The following CRELD2 variants were observed in gnomAD, a reference collection of about 807,000 sequenced individuals.
CRELD2 encodes the protein CRELD disulfide isomerase 2, also known as protein disulfide isomerase CRELD2.
A neutral mutation model predicts 48.1 loss-of-function variants in CRELD2; 33 were observed. The ratio of observed to expected loss-of-function variants is 0.69; its 90% CI spans 0.52 to 0.92. The LOEUF (loss-of-function observed/expected upper bound fraction) is 0.92, where lower values mean the gene tolerates loss of function less well. Ranked by LOEUF, CRELD2 falls within the 40% of genes least tolerant of loss-of-function variation. The pLI is 0.00. For synonymous variants in CRELD2, 220 were observed against 203.9 expected, an observed-to-expected ratio of 1.08 and a Z score of -0.67; for missense variants, 477 against 482.4, an observed-to-expected ratio of 0.99 and a Z score of 0.10.
intron 3 of CRELD2, 136 bp downstream of exon 3, chr22:49,919,976 G>A (rs1201326200): frequency 6.2e-6 from 5 of 809,684 alleles, no homozygotes; most frequent in South Asian, 4.7e-5. Context: ...CTGCATTACC[G>A]TTTTTTATCA....
intron 9 of CRELD2, chr22:49,925,905 C>A: frequency 2.8e-6 from 1 of 354,916 alleles, no homozygotes; most frequent in Non-Finnish European, 4.6e-6. Flanking sequence ...CCCAGGGTGC[C>A]GCAGAGACAG....
At chr22:49,919,011 C>G (rs59259090) in intron 1 of CRELD2, 113 bp downstream of exon 1, 91,946 of 951,668 alleles carry the variant, frequency 0.097, 5,636 homozygotes, top group South Asian at 0.22. Flanking sequence ...ATCCGGGGTC[C>G]CCCTCACCCT....
At chr22:49,921,515 C>G in intron 4 of CRELD2, 70 bp from the exon 5 acceptor site, 2 of 1,502,226 alleles carry the variant, frequency 1.3e-6, no homozygotes, top group Non-Finnish European at 1.8e-6. Flanking sequence ...GCCATGCGTT[C>G]TCTCCGTGTG....
chr22:49,923,933 T>G, intron 7 of CRELD2: 1 of 231,772 alleles, frequency 4.3e-6, no homozygotes, highest in South Asian at 5.4e-5. Flanking sequence ...CTCTGCCCCG[T>G]GTGTGTGACA....
rs8138558 is a variant in CRELD2, at chr22:49,921,773, G to A, written c.592+12G>A. The stretch of plus-strand genomic sequence containing the variant: ...CAGCATCTGCACAGGTACGGGCTAC[G>A]CCTGGGCTGGCCCCGGGGTTGAGGC... On this transcript the variant is annotated intron_variant, in intron 5 of 9. Transcript: ENST00000328268. 2,379 of 1,597,226 alleles carry A rather than the reference G, an allele frequency of 1.5e-3. 33 individuals carry two copies. The African/African-American group carries it at 0.027, about 18-fold the overall frequency.
At chr22:49,924,532 T>G (rs1219914748) in intron 8 of CRELD2, 77 bp downstream of exon 8, 7 of 1,101,608 alleles carry the variant, frequency 6.4e-6, no homozygotes, top group African/African-American at 1.5e-5. Flanking sequence ...CAGCAGGTAC[T>G]GCCAGGGATG....
At chr22:49,921,425 C>A in intron 4 of CRELD2, 160 bp from the exon 5 acceptor site, 1 of 753,892 alleles carries the variant, frequency 1.3e-6, no homozygotes, top group Non-Finnish European at 2.1e-6. Context: ...GCCCTGCAGA[C>A]CCAGGAAATC....
At chr22:49,925,379 A>C (rs2060749561) in intron 8 of CRELD2, 38 bp from the exon 9 acceptor site, 1 of 1,357,694 alleles carries the variant, frequency 7.4e-7, no homozygotes, top group Non-Finnish European at 1.0e-6. Context: ...GCGTCTGCTG[A>C]GCAAAGTAAT....
intron 5 of CRELD2, chr22:49,922,235 G>A (rs2060695695): frequency 6.5e-7 from 1 of 1,534,696 alleles, no homozygotes; most frequent in Non-Finnish European, 8.8e-7. Flanking sequence ...GCTATTCTGG[G>A]CAGACAGACC....
In CRELD2 at chr22:49,924,404, A is replaced by G. The variant is rs1413664749; in HGVS notation, c.817A>G (p.Asn273Asp). ...CVGCTGEGPG[N>D]CKECISGYAR... ...GGGCTGCACAGGGGAAGGCCCAGGA[A>G]ACTGTAAAGAGTGTATCTCTGGCTA... The change falls in exon 8 of 10, where the codon AAC becomes GAC. Residue 273 changes from asparagine (N) to aspartate (D), a missense_variant. Coordinates refer to ENST00000328268, the MANE Select transcript of CRELD2 (RefSeq NM_024324.5). 1.2e-6 allele frequency: 2 copies of G among 1,612,638 alleles called. No homozygotes were observed. Among genetic ancestry groups the G allele is most frequent in the African/African-American group, 2.7e-5 (2 of 74,908 alleles).
chr22:49,922,698 G>A lies in CRELD2; in HGVS notation c.679G>A (p.Ala227Thr), dbSNP rs371852940. ...CEVGWVLDEG[A>T]CVDVDECAAE... ...AGTGGGCTGGGTGCTGGACGAGGGCGCCTGTGTGGGTGAGGAGCGGCCCGG... is the reference window on the plus strand; with the variant it reads ...AGTGGGCTGGGTGCTGGACGAGGGCACCTGTGTGGGTGAGGAGCGGCCCGG... Residue 227 changes from alanine to threonine, a missense_variant, in exon 6 of 10, where the codon GCC (alanine) becomes ACC (threonine). Ala to Thr is a moderately conservative substitution (Grantham distance 58, BLOSUM62 0). Transcript: ENST00000328268. 1.3e-4 allele frequency: 200 copies of A among 1,545,992 alleles called. 1 individual carries two copies. The highest frequency in any genetic ancestry group is 2.5e-4 in the African/African-American group (17 of 69,244).
At chr22:49,926,253 C>G (rs541456379) in intron 9 of CRELD2, 1 of 152,416 alleles carries the variant, frequency 6.6e-6, no homozygotes, top group Non-Finnish European at 1.5e-5. Flanking sequence ...GACCCTATTT[C>G]CAAACAAGGT....
In CRELD2 at chr22:49,918,815, C is replaced by T. The variant is rs1305409623; in HGVS notation, c.46C>T (p.Leu16=). The part of the protein sequence containing the change: ...RAALGLLPLL[L]LLPPAPEAAK... ...CGCGCTGGGGCTCCTGCCGCTTCTG[C>T]TGCTGCTGCCGCCCGCGCCGGAGGC... The change falls in exon 1 of 10, where the codon CTG becomes TTG. Residue 16 remains leucine (L), a synonymous_variant. Transcript: ENST00000328268. 2.3e-6 allele frequency: 3 copies of T among 1,330,798 alleles called. No homozygotes were observed. The highest frequency in any genetic ancestry group is 1.9e-6 in the Non-Finnish European group (2 of 1,044,808). 82.4% of individuals were successfully genotyped at this position (1,330,798 alleles called of 1,614,324 possible). A position where few individuals can be genotyped will look rare whatever the true frequency, so the allele number is the denominator to read the frequency against.
In CRELD2 at chr22:49,923,266, T is replaced by C; in HGVS notation, c.721T>C (p.Cys241Arg). ...VDECAAEPPP[C>R]SAAQFCKNAN... ...CGAGTGTGCGGCCGAGCCGCCTCCC[T>C]GCAGCGCTGCGCAGTTCTGTAAGAA... The change falls in exon 7 of 10, where the codon TGC becomes CGC. Residue 241 changes from cysteine (C) to arginine (R), a missense_variant. Transcript: ENST00000328268. 1 of 1,603,608 alleles carries C rather than the reference T, an allele frequency of 6.2e-7. No individual in the cohort carries two copies. The highest frequency in any genetic ancestry group is 8.5e-7 in the Non-Finnish European group (1 of 1,175,304).
intron 7 of CRELD2, 87 bp downstream of exon 7, chr22:49,923,404 C>G: frequency 1.1e-6 from 1 of 946,204 alleles, no homozygotes; most frequent in Non-Finnish European, 1.7e-6. Context: ...TTCTTAGTGT[C>G]ACTTCCATAC....
intron 5 of CRELD2, chr22:49,922,241 A>G: frequency 1.3e-6 from 2 of 1,545,502 alleles, no homozygotes; most frequent in Non-Finnish European, 8.8e-7. Flanking sequence ...CTGGGCAGAC[A>G]GACCCGTGGA....
chr22:49,922,225 G>C, intron 5 of CRELD2: 1 of 1,499,996 alleles, frequency 6.7e-7, no homozygotes, highest in Non-Finnish European at 9.0e-7. Flanking sequence ...CAGCCCCTAG[G>C]CTATTCTGGG....
In CRELD2 at chr22:49,922,275, CGA is replaced by C. The variant is rs761276639; in HGVS notation, c.593-336_593-335del. 206 of 1,405,304 alleles carry C rather than the reference CGA, an allele frequency of 1.5e-4. No individual in the cohort carries two copies. The Middle Eastern group carries it at 3.8e-3, about 26-fold the overall frequency. 87.1% of individuals were successfully genotyped at this position (1,405,304 alleles called of 1,614,324 possible). On this transcript the variant is annotated intron_variant, in intron 5 of 9. Coordinates refer to ENST00000328268, the MANE Select transcript of CRELD2 (RefSeq NM_024324.5). ...GATCGATAGTCAGGACCGGCCTCTC[CGA>C]TTCTTACGCCCCTCAGCAGTCAGGA...
chr22:49,918,859 C>T lies in CRELD2; in HGVS notation c.90C>T (p.Pro30=). ...PAPEAAKKPT[P]CHRCRGLVDK... ...CGGAGGCCGCCAAGAAGCCGACGCC[C>T]TGCCACCGGTGCCGGGGGCTGGTGG... is the stretch of plus-strand genomic sequence containing the variant. Residue 30 remains proline (P), a synonymous_variant, in exon 1 of 10, where the codon CCC becomes CCT. Transcript: ENST00000328268. 3 of 1,312,270 alleles carry T rather than the reference C, an allele frequency of 2.3e-6. No homozygotes were observed. The highest frequency in any genetic ancestry group is 2.9e-6 in the Non-Finnish European group (3 of 1,033,220). The allele number at this position is 1,312,270 out of a possible 1,614,324, so 81.3% of individuals were successfully genotyped here.
Sources: gnomAD v4.1 joint callset for allele counts on GRCh38, gnomAD v4.1.1 for gene constraint, MANE v1.5 for transcripts, NCBI Gene and HGNC (gene_info 2026-07-23, HGNC 2026-07-21) for gene names.